The following SCIMP variants were observed in gnomAD, a reference collection of about 807,000 sequenced individuals.
SCIMP encodes the protein SLP adaptor and CSK interacting membrane protein, also known as SLP adapter and CSK-interacting membrane protein.
In SCIMP, 18 loss-of-function variants were observed where a neutral mutation model predicts 22.0. The observed-to-expected ratio is 0.82, with a 90% CI of 0.56 to 1.21. The LOEUF is 1.21. SCIMP is among the 50% of genes most tolerant of loss of function. The probability of loss-of-function intolerance (pLI) is 0.00; values close to 1 mark genes in which losing one functional copy is unlikely to be tolerated. For missense variants in SCIMP, 155 were observed against 171.2 expected (o/e 0.91, Z 0.53); for synonymous variants, 53 against 62.2 (o/e 0.85, Z 0.70).
intron 3 of SCIMP, among the ~76,000 whole-genome samples, chr17:5,219,963 A>G (rs1256551869): frequency 6.6e-6 from 1 of 152,192 alleles, no homozygotes; most frequent in Non-Finnish European, 1.5e-5. Context: ...GCTTTCTGCT[A>G]GACCCCACAC....
rs558952985 is a variant in SCIMP at position 5,209,103 on chromosome 17, A to G, written c.*1698T>C. ...CCCATAAGGCCATAGTTAGATAACT[A>G]CTGGCCTAACATAAGGAGGGTTTAT... On this transcript the variant is annotated 3_prime_UTR_variant, in exon 5 of 5. Transcript: ENST00000574081. The G allele has an allele frequency of 6.6e-6, 1 of 152,136 alleles. No homozygotes were observed. The highest frequency in any genetic ancestry group is 1.5e-5 in the Non-Finnish European group (1 of 68,040). 9.4% of individuals were successfully genotyped at this position (152,136 alleles called of 1,614,324 possible). A position where few individuals can be genotyped will look rare whatever the true frequency, so the allele number is the denominator to read the frequency against.
rs190618360 is a variant in SCIMP at position 5,234,203 on chromosome 17, G to A, written c.21+532C>T. 1.0e-3 allele frequency among the ~76,000 whole-genome samples: 156 copies of A among 152,128 alleles called. 1 individual carries two copies. The highest frequency in any genetic ancestry group is 6.1e-3 in the Admixed American group (93 of 15,270). Reference sequence around the variant, plus strand: ...GGAGAATCGCTTGAACCCGGGAGGCGGTGGTTGCAGTGAGCCGAGATCACG... The same window carrying A: ...GGAGAATCGCTTGAACCCGGGAGGCAGTGGTTGCAGTGAGCCGAGATCACG... On this transcript the variant is annotated intron_variant, in intron 1 of 4. Transcript: ENST00000574081.
At chr17:5,220,308 C>T (rs547364011) in intron 3 of SCIMP, among the ~76,000 whole-genome samples, 55 of 151,786 alleles carry the variant, frequency 3.6e-4, no homozygotes, top group Middle Eastern at 6.8e-3. Context: ...AGGCTGGGCA[C>T]GGTGGCATGT....
intron 4 of SCIMP, 75 bp downstream of exon 4, chr17:5,214,838 TAAAAAAAAAAAA>T (rs34085108): frequency 1.7e-4 from 75 of 453,196 alleles, no homozygotes; most frequent in Middle Eastern, 1.2e-3. Flanking sequence ...AGACTCCATC[TAAAAAAAAAAAA>T]AAAAAAAAAA....
At chr17:5,223,546 T>C in intron 1 of SCIMP, 90 bp from the exon 2 acceptor site, 1 of 1,313,170 alleles carries the variant, frequency 7.6e-7, no homozygotes. Flanking sequence ...GTGGGTTGTT[T>C]TTTTTTTCTT....
intron 4 of SCIMP, chr17:5,214,341 G>C (rs2074548176): frequency 6.5e-6 from 1 of 153,104 alleles, no homozygotes; most frequent in South Asian, 2.1e-4. Flanking sequence ...CAGATCATGA[G>C]GTCAGGAAAT....
At position 5,209,426 on chromosome 17, in the gene SCIMP, A is replaced by G. The variant is rs1189472843; in HGVS notation, c.*1375T>C. 1 of 152,220 alleles carries G rather than the reference A, an allele frequency of 6.6e-6. No homozygotes were observed. The highest frequency in any genetic ancestry group is 1.5e-5 in the Non-Finnish European group (1 of 68,058). 9.4% of individuals were successfully genotyped at this position (152,220 alleles called of 1,614,324 possible). A position where few individuals can be genotyped will look rare whatever the true frequency, so the allele number is the denominator to read the frequency against. On this transcript the variant is annotated 3_prime_UTR_variant, in exon 5 of 5. Coordinates refer to ENST00000574081, the MANE Select transcript of SCIMP (RefSeq NM_207103.3). ...TATTAATAGCAAGGTGGAAGCCTTC[A>G]TAGAGTCTGGAAAGAGAGAACCAGG...
chr17:5,219,267 C>A (rs1025576027), intron 3 of SCIMP, among the ~76,000 whole-genome samples: 1 of 151,296 alleles, frequency 6.6e-6, no homozygotes, highest in African/African-American at 2.4e-5. Flanking sequence ...TGTGGTGAGC[C>A]GAGATCGCGC....
intron 3 of SCIMP, among the ~76,000 whole-genome samples, chr17:5,216,463 C>T (rs572160119): frequency 2.0e-5 from 3 of 152,118 alleles, no homozygotes; most frequent in East Asian, 1.9e-4. Flanking sequence ...GTCAGGAGAT[C>T]GAGACTAGCC....
At position 5,210,601 on chromosome 17, in the gene SCIMP, G is replaced by T; in HGVS notation, c.*200C>A. On this transcript the variant is annotated 3_prime_UTR_variant, in exon 5 of 5. Transcript: ENST00000574081. ...TAAGTCCTCAGAGCCGAGCACCCAT[G>T]TGTCTCCTCTGGCTGCAGTCATCCG... The T allele has an allele frequency of 4.8e-6, 3 of 625,070 alleles. No individual in the cohort carries two copies. The highest frequency in any genetic ancestry group is 7.7e-6 in the Non-Finnish European group (3 of 387,924). 38.7% of individuals were successfully genotyped at this position (625,070 alleles called of 1,614,324 possible). A position where few individuals can be genotyped will look rare whatever the true frequency, so the allele number is the denominator to read the frequency against.
rs1470192718 is a variant in SCIMP, at chr17:5,210,734, TC to T, written c.*66del. The stretch of plus-strand genomic sequence containing the variant: ...CAGAGACCTACTGAAGTTCAACCAT[TC>T]TTGATTGTTTTAAAATAAGTTGTGT... On this transcript the variant is annotated 3_prime_UTR_variant, in exon 5 of 5. Coordinates refer to ENST00000574081, the MANE Select transcript of SCIMP (RefSeq NM_207103.3). 3 of 1,552,546 alleles carry T rather than the reference TC, an allele frequency of 1.9e-6. No homozygotes were observed. The African/African-American group carries it at 4.1e-5, about 21-fold the overall frequency.
chr17:5,212,047 C>CAA (rs201695440), intron 4 of SCIMP, among the ~76,000 whole-genome samples: 2 of 145,568 alleles, frequency 1.4e-5, no homozygotes, highest in East Asian at 2.0e-4. Context: ...GACTCTGTCT[C>CAA]AAAAAAAAAG....
chr17:5,212,565 T>C (rs1205741134), intron 4 of SCIMP, among the ~76,000 whole-genome samples: 1 of 151,218 alleles, frequency 6.6e-6, no homozygotes, highest in African/African-American at 2.4e-5. Context: ...ACTCGGGAGG[T>C]GGAGCTTGCA....
At chr17:5,225,204 C>G (rs1313801095) in intron 1 of SCIMP, among the ~76,000 whole-genome samples, 1 of 152,232 alleles carries the variant, frequency 6.6e-6, no homozygotes, top group Non-Finnish European at 1.5e-5. Context: ...GTGGCTCACG[C>G]CTGTAATCCC....
chr17:5,224,571 C>T (rs956186529), intron 1 of SCIMP, among the ~76,000 whole-genome samples: 1 of 152,064 alleles, frequency 6.6e-6, no homozygotes, highest in Non-Finnish European at 1.5e-5. Flanking sequence ...ATTCTCCTGC[C>T]TCAGCCTCCT....
chr17:5,218,398 G>C (rs2074581392), intron 3 of SCIMP, among the ~76,000 whole-genome samples: 1 of 151,138 alleles, frequency 6.6e-6, no homozygotes, highest in Admixed American at 6.6e-5. Context: ...GGAGTGCAGT[G>C]GCACGATCTT....
In SCIMP at chr17:5,210,747, A is replaced by G. The variant is rs1242641993; in HGVS notation, c.*54T>C. 4 of 1,567,900 alleles carry G rather than the reference A, an allele frequency of 2.6e-6. No individual in the cohort carries two copies. The South Asian group carries it at 3.7e-5, about 14-fold the overall frequency. On this transcript the variant is annotated 3_prime_UTR_variant, in exon 5 of 5. Transcript: ENST00000574081. ...AAGTTCAACCATTCTTGATTGTTTTAAAATAAGTTGTGTGAACCCTCTTCA... is the reference window on the plus strand; with the variant it reads ...AAGTTCAACCATTCTTGATTGTTTTGAAATAAGTTGTGTGAACCCTCTTCA...
At position 5,222,329 on chromosome 17, in the gene SCIMP, G is replaced by C. The variant is rs1228610573; in HGVS notation, c.146-979C>G. Among the ~76,000 whole-genome samples the C allele has an allele frequency of 3.3e-5, 5 of 151,806 alleles. No individual in the cohort carries two copies. The East Asian group carries it at 9.7e-4, about 29-fold the overall frequency. On this transcript the variant is annotated intron_variant, in intron 2 of 4. Transcript: ENST00000574081. ...GATGGTCTTGATCTCCTCACCTCGT[G>C]GTCCACCCACCTCAGCCTCCCAAAG...
intron 1 of SCIMP, among the ~76,000 whole-genome samples, chr17:5,231,429 G>T (rs1014289084): frequency 1.3e-5 from 2 of 151,920 alleles, no homozygotes; most frequent in Non-Finnish European, 2.9e-5. Context: ...TCCAGTTCAA[G>T]CCACTTATGA....
Sources: gnomAD v4.1 joint callset for allele counts (sites outside exome capture counted in the v4.1 genomes callset) on GRCh38, gnomAD v4.1.1 for gene constraint, MANE v1.5 for transcripts, NCBI Gene and HGNC (gene_info 2026-07-23, HGNC 2026-07-21) for gene names.